The following RSBN1L variants were observed in gnomAD, a reference collection of about 807,000 sequenced individuals.
The protein encoded by RSBN1L is round spermatid basic protein 1 like, also known as lysine-specific demethylase RSBN1L.
RSBN1L carries 30 observed loss-of-function variants against 67.7 expected under a neutral mutation model. The observed-to-expected ratio is 0.44, with a 90% CI of 0.33 to 0.60. RSBN1L has a LOEUF of 0.60. Among genes scored for constraint, RSBN1L ranks in the 20% least tolerant of loss-of-function variants. The pLI is 0.02. For synonymous variants in RSBN1L, 433 were observed against 387.0 expected (o/e 1.12, Z -1.39); for missense variants, 992 against 1,031.7 (o/e 0.96, Z 0.53).
chr7:77,713,667 TTTTTTTTTTTTTAAAAATAGAGA>T (rs1791007652), intron 1 of RSBN1L, among the ~76,000 whole-genome samples: 1 of 147,946 alleles, frequency 6.8e-6, no homozygotes, highest in Non-Finnish European at 1.5e-5. Context: ...CTCTCTTCCT[TTTTTTTTTTTTTAAAAATAGAGA>T]CACAGTCTTG....
rs933554287 is a variant in RSBN1L, at chr7:77,778,957, C to A, written c.2330C>A (p.Ala777Glu). The A allele has an allele frequency of 1.9e-5, 30 of 1,613,586 alleles. No individual in the cohort carries two copies. Among genetic ancestry groups the A allele is most frequent in the Non-Finnish European group, 2.2e-5 (26 of 1,179,694 alleles). The part of the protein sequence containing the change: ...VNVNIPEKTT[A>E]LNNMDGKNVK... ...GTTAATATTCCTGAAAAGACTACAG[C>A]ACTGAATAATATGGATGGCAAGAAT... Residue 777 changes from alanine (A) to glutamate (E), a missense_variant, in exon 8 of 8, where the codon GCA becomes GAA. By Grantham distance (107) the Ala-to-Glu change is moderately radical. Transcript: ENST00000334955.
At chr7:77,771,364 G>A (rs888213883) in intron 5 of RSBN1L, among the ~76,000 whole-genome samples, 2 of 152,168 alleles carry the variant, frequency 1.3e-5, no homozygotes, top group Admixed American at 6.5e-5. Flanking sequence ...TGGGTTGCAT[G>A]ATGGCAGGGA....
intron 3 of RSBN1L, among the ~76,000 whole-genome samples, chr7:77,752,360 A>G (rs1310529455): frequency 6.6e-6 from 1 of 152,210 alleles, no homozygotes. Context: ...ACTTAAAGGC[A>G]GGAAAGTACA....
intron 1 of RSBN1L, among the ~76,000 whole-genome samples, chr7:77,718,525 A>G (rs554873988): frequency 6.6e-6 from 1 of 152,248 alleles, no homozygotes. Flanking sequence ...TCCTGGGTTC[A>G]AGCAATCTGC....
intron 4 of RSBN1L, among the ~76,000 whole-genome samples, chr7:77,765,971 G>T (rs999468577): frequency 6.6e-6 from 1 of 152,092 alleles, no homozygotes; most frequent in Non-Finnish European, 1.5e-5. Flanking sequence ...AGTACTAAAG[G>T]ACTTAAGAAG....
intron 4 of RSBN1L, among the ~76,000 whole-genome samples, chr7:77,766,064 C>G (rs534858852): frequency 1.3e-5 from 2 of 152,194 alleles, no homozygotes; most frequent in Non-Finnish European, 2.9e-5. Flanking sequence ...GAAAACTCGC[C>G]TGGGAAATTA....
rs377129987 is a variant in RSBN1L at position 77,768,714 on chromosome 7, T to C, written c.1536T>C (p.Asp512=). 2.5e-6 allele frequency: 4 copies of C among 1,613,572 alleles called. No homozygotes were observed. The highest frequency in any genetic ancestry group is 3.4e-6 in the Non-Finnish European group (4 of 1,179,568). ...GTCTAAAATTACAGAGTCGAAAAGA[T>C]AGTGATGATGGTCCCATCATGTGGG... ...LSSLKLQSRK[D]SDDGPIMWVR... The change falls in exon 5 of 8, where the codon GAT becomes GAC. Residue 512 remains aspartate (D), a synonymous_variant. Transcript: ENST00000334955.
chr7:77,749,839 T>C lies in RSBN1L; in HGVS notation c.1119T>C (p.Ser373=), dbSNP rs766449369. Residue 373 remains serine, a synonymous_variant, in exon 3 of 8, where the codon TCT becomes TCC. Transcript: ENST00000334955. ...HAYSNELSHL[S]PMEMERFAEE... ...ACAGTAACGAACTCTCCCACCTGTCTCCTATGGAGATGGAGAGGTTTGCAG... is the reference window on the plus strand; with the variant it reads ...ACAGTAACGAACTCTCCCACCTGTCCCCTATGGAGATGGAGAGGTTTGCAG... 6.2e-7 allele frequency: 1 copy of C among 1,614,194 alleles called. No homozygotes were observed. Among genetic ancestry groups the C allele is most frequent in the Non-Finnish European group, 8.5e-7 (1 of 1,180,016 alleles).
At chr7:77,705,222 T>A (rs974364069) in intron 1 of RSBN1L, among the ~76,000 whole-genome samples, 10 of 152,198 alleles carry the variant, frequency 6.6e-5, no homozygotes, top group African/African-American at 2.4e-4. Context: ...CATTGACTTT[T>A]TGAAGATACC....
chr7:77,710,203 C>G (rs1426074591), intron 1 of RSBN1L, among the ~76,000 whole-genome samples: 1 of 152,196 alleles, frequency 6.6e-6, no homozygotes, highest in South Asian at 2.1e-4. Context: ...ATTCTTCATG[C>G]TATATAGTCA....
chr7:77,767,437 G>T (rs143500458), intron 4 of RSBN1L, among the ~76,000 whole-genome samples: 2 of 151,774 alleles, frequency 1.3e-5, no homozygotes, highest in African/African-American at 4.8e-5. Context: ...GCAGTGGTGC[G>T]ATCTCGGCTC....
At chr7:77,723,261 C>T (rs1050706402) in intron 1 of RSBN1L, among the ~76,000 whole-genome samples, 8 of 152,036 alleles carry the variant, frequency 5.3e-5, no homozygotes, top group East Asian at 1.9e-4. Context: ...CCACTGCGCC[C>T]GGCCAACATT....
chr7:77,702,476 G>A (rs1260398540), intron 1 of RSBN1L, among the ~76,000 whole-genome samples: 1 of 151,780 alleles, frequency 6.6e-6, no homozygotes, highest in East Asian at 1.9e-4. Flanking sequence ...TTTAGTTGGA[G>A]GTTTTGTTCA....
At chr7:77,751,632 G>A (rs768366130) in intron 3 of RSBN1L, among the ~76,000 whole-genome samples, 11 of 152,182 alleles carry the variant, frequency 7.2e-5, no homozygotes, top group Non-Finnish European at 1.5e-4. Context: ...ATCAGGACTG[G>A]CATCTAATAA....
intron 4 of RSBN1L, among the ~76,000 whole-genome samples, chr7:77,767,285 G>A (rs1318757836): frequency 3.4e-5 from 1 of 29,792 alleles, no homozygotes; most frequent in Non-Finnish European, 5.9e-5. Context: ...GGGGTGTGTG[G>A]TGAAATTTTT....
intron 1 of RSBN1L, among the ~76,000 whole-genome samples, chr7:77,728,355 T>G (rs6977970): frequency 0.02 from 3,019 of 152,346 alleles, 85 homozygotes; most frequent in African/African-American, 0.068. Flanking sequence ...TTGAAGGCAT[T>G]GCTGTATTGC....
chr7:77,719,302 A>G (rs554669958), intron 1 of RSBN1L, among the ~76,000 whole-genome samples: 1 of 152,348 alleles, frequency 6.6e-6, no homozygotes, highest in Admixed American at 6.5e-5. Flanking sequence ...GGTTGTGTGA[A>G]AAAGTGTAAC....
At position 77,697,065 on chromosome 7, in the gene RSBN1L, G is replaced by A. The variant is rs1451166250; in HGVS notation, c.586+10G>A. On this transcript the variant is annotated intron_variant, in intron 1 of 7. Coordinates refer to ENST00000334955, the MANE Select transcript of RSBN1L (RefSeq NM_198467.3). ...AAGCCGCTGCCCCGAGGTGGGTGCC[G>A]TGCGGGGAGGGGGAGGGGAGGGCGC... is the stretch of plus-strand genomic sequence containing the variant. 2.8e-6 allele frequency: 4 copies of A among 1,419,442 alleles called. No individual in the cohort carries two copies. Among genetic ancestry groups the A allele is most frequent in the Admixed American group, 2.9e-5 (1 of 34,248 alleles). 87.9% of individuals were successfully genotyped at this position (1,419,442 alleles called of 1,614,324 possible). A position where few individuals can be genotyped will look rare whatever the true frequency, so the allele number is the denominator to read the frequency against.
chr7:77,755,440 G>A (rs1035305321), intron 3 of RSBN1L, among the ~76,000 whole-genome samples: 9 of 152,016 alleles, frequency 5.9e-5, no homozygotes, highest in Middle Eastern at 3.2e-3. Context: ...CGAGGCAGTC[G>A]GATCACCTGA....
Sources: allele counts gnomAD v4.1 joint callset (sites outside exome capture counted in the v4.1 genomes callset), GRCh38; gene constraint gnomAD v4.1.1; transcripts MANE v1.5; gene names NCBI Gene and HGNC (gene_info 2026-07-23, HGNC 2026-07-21).